The following LRMDA variants were observed in gnomAD, a reference collection of about 807,000 sequenced individuals.
The protein encoded by LRMDA is leucine rich melanocyte differentiation associated, also known as leucine-rich melanocyte differentiation-associated protein.
LRMDA carries 18 observed loss-of-function variants against 29.8 expected under a neutral mutation model. The ratio of observed to expected loss-of-function variants is 0.60; its 90% CI spans 0.42 to 0.90. The LOEUF (loss-of-function observed/expected upper bound fraction) is 0.90. Among genes scored for constraint, LRMDA ranks in the 40% least tolerant of loss-of-function variants. The pLI is 0.00. For synonymous variants in LRMDA, 125 were observed against 109.4 expected, an observed-to-expected ratio of 1.14 and a Z score of -0.89; for missense variants, 273 against 273.9, an observed-to-expected ratio of 1.00 and a Z score of 0.02.
At chr10:75,948,207 A>T (rs1589263219) in intron 2 of LRMDA, among the ~76,000 whole-genome samples, 1 of 152,260 alleles carries the variant, frequency 6.6e-6, no homozygotes, top group Middle Eastern at 3.4e-3. Flanking sequence ...TTAGAGTCTG[A>T]CACCAGCACT....
intron 2 of LRMDA, among the ~76,000 whole-genome samples, chr10:75,879,920 A>C (rs1432366045): frequency 6.6e-6 from 1 of 152,168 alleles, no homozygotes; most frequent in Non-Finnish European, 1.5e-5. Context: ...CTTGTTTGCC[A>C]TTCATGCTTA....
chr10:75,555,327 T>C (rs535538614), intron 2 of LRMDA, among the ~76,000 whole-genome samples: 2 of 152,310 alleles, frequency 1.3e-5, no homozygotes, highest in South Asian at 4.1e-4. Flanking sequence ...TGTGGGAAGA[T>C]AGATAACTTG....
Position 76,370,776 on chromosome 10 carries a change from G to A in LRMDA, c.601+46291G>A, listed in dbSNP as rs905123548. Among the ~76,000 whole-genome samples, 9 of 152,190 alleles carry A rather than the reference G, an allele frequency of 5.9e-5. No individual in the cohort carries two copies. In the South Asian group the frequency reaches 1.0e-3, roughly 18 times the overall value. ...GTATACATACTATATATAGTAAGTG[G>A]AGAGCACACCAAATGTATATCATTT... is the stretch of plus-strand genomic sequence containing the variant. On this transcript the variant is annotated intron_variant, in intron 6 of 6. Coordinates refer to ENST00000611255, the MANE Select transcript of LRMDA (RefSeq NM_001305581.2).
chr10:76,207,293 C>A (rs984898150), intron 5 of LRMDA, among the ~76,000 whole-genome samples: 1 of 152,120 alleles, frequency 6.6e-6, no homozygotes, highest in Non-Finnish European at 1.5e-5. Flanking sequence ...TCTATCTGGT[C>A]GATTCTGACT....
chr10:75,528,287 C>T (rs11594014), intron 2 of LRMDA, among the ~76,000 whole-genome samples: 22,268 of 152,166 alleles, frequency 0.15, 1,982 homozygotes, highest in Middle Eastern at 0.26. Context: ...ACTTTGCTTA[C>T]CACACTCTGG....
rs114783299 is a variant in LRMDA, at chr10:76,292,280, T to C, written c.517-32121T>C. On this transcript the variant is annotated intron_variant, in intron 5 of 6. Transcript: ENST00000611255. ...AGTAATCCACTGAAGGAATTCGAGG[T>C]GTATATCCACAGTTTGGCAGAAGGG... Among the ~76,000 whole-genome samples, 535 of 152,210 alleles carry C rather than the reference T, an allele frequency of 3.5e-3. 3 individuals are homozygous for C. The highest frequency in any genetic ancestry group is 0.012 in the African/African-American group (501 of 41,520).
chr10:75,897,650 ATAGT>A (rs1053001796), intron 2 of LRMDA, among the ~76,000 whole-genome samples: 1 of 152,198 alleles, frequency 6.6e-6, no homozygotes, highest in Non-Finnish European at 1.5e-5. Context: ...CAGTGGTTAC[ATAGT>A]TCACTTGAGG....
intron 2 of LRMDA, among the ~76,000 whole-genome samples, chr10:75,485,918 A>G (rs1008352065): frequency 6.6e-6 from 1 of 152,022 alleles, no homozygotes; most frequent in African/African-American, 2.4e-5. Flanking sequence ...TTTTATCTCT[A>G]CCAATTCTTT....
intron 2 of LRMDA, among the ~76,000 whole-genome samples, chr10:75,978,777 A>G (rs1005577977): frequency 6.6e-6 from 1 of 152,246 alleles, no homozygotes; most frequent in Admixed American, 6.5e-5. Context: ...GTATGCAACC[A>G]TATTATAATT....
At chr10:76,056,049 C>T (rs1036627992) in intron 4 of LRMDA, among the ~76,000 whole-genome samples, 1 of 152,192 alleles carries the variant, frequency 6.6e-6, no homozygotes, top group Non-Finnish European at 1.5e-5. Flanking sequence ...AGCATGCACA[C>T]AATTGGAGGG....
chr10:76,221,015 A>C (rs552695187), intron 5 of LRMDA, among the ~76,000 whole-genome samples: 75 of 152,358 alleles, frequency 4.9e-4, no homozygotes, highest in African/African-American at 1.7e-3. Flanking sequence ...AACCAAAGAC[A>C]AAAACCACAT....
chr10:75,614,751 C>A (rs573735450), intron 2 of LRMDA, among the ~76,000 whole-genome samples: 131 of 151,884 alleles, frequency 8.6e-4, no homozygotes, highest in African/African-American at 3.1e-3. Flanking sequence ...GTTTAATATA[C>A]AAGGAGGTTT....
chr10:76,209,436 T>G (rs558667044), intron 5 of LRMDA, among the ~76,000 whole-genome samples: 1 of 152,154 alleles, frequency 6.6e-6, no homozygotes, highest in Admixed American at 6.5e-5. Context: ...CTTCGTCTTC[T>G]GTTGGGGGTG....
intron 5 of LRMDA, among the ~76,000 whole-genome samples, chr10:76,118,498 G>T (rs1043126893): frequency 2.0e-5 from 3 of 152,170 alleles, no homozygotes; most frequent in Non-Finnish European, 4.4e-5. Flanking sequence ...TTACTTAAAG[G>T]CGAAGATGAG....
intron 2 of LRMDA, among the ~76,000 whole-genome samples, chr10:75,646,939 T>C (rs1218936261): frequency 6.6e-6 from 1 of 152,200 alleles, no homozygotes; most frequent in Non-Finnish European, 1.5e-5. Context: ...TGCCTGATAA[T>C]GGACACATTT....
At chr10:76,021,233 G>A (rs1847969675) in intron 2 of LRMDA, among the ~76,000 whole-genome samples, 1 of 152,186 alleles carries the variant, frequency 6.6e-6, no homozygotes, top group South Asian at 2.1e-4. Flanking sequence ...AGACAGAGAA[G>A]TCTCCAAGGA....
chr10:76,363,471 C>T (rs956654204), intron 6 of LRMDA, among the ~76,000 whole-genome samples: 7 of 152,022 alleles, frequency 4.6e-5, no homozygotes, highest in Admixed American at 2.6e-4. Flanking sequence ...TAGCAAGTTA[C>T]GGGATGCAAG....
intron 2 of LRMDA, among the ~76,000 whole-genome samples, chr10:75,727,658 G>A (rs1201834666): frequency 6.6e-6 from 1 of 152,180 alleles, no homozygotes; most frequent in Non-Finnish European, 1.5e-5. Context: ...ATTTTAGCAA[G>A]TTATTTTACA....
At position 76,177,909 on chromosome 10, in the gene LRMDA, T is replaced by C. The variant is rs369730120; in HGVS notation, c.516+119126T>C. On this transcript the variant is annotated intron_variant, in intron 5 of 6. Coordinates refer to ENST00000611255, the MANE Select transcript of LRMDA (RefSeq NM_001305581.2). ...GCTGGTCTGGTCTGTCCAGTGGTGT[T>C]AGAGCTGAATTGAAATCCTGCTTTA... 1.3e-4 allele frequency among the ~76,000 whole-genome samples: 20 copies of C among 152,340 alleles called. No individual in the cohort carries two copies. In the East Asian group the frequency reaches 2.1e-3, roughly 16 times the overall value.
Sources: gnomAD v4.1 joint callset for allele counts (sites outside exome capture counted in the v4.1 genomes callset) on GRCh38, gnomAD v4.1.1 for gene constraint, MANE v1.5 for transcripts, NCBI Gene and HGNC (gene_info 2026-07-23, HGNC 2026-07-21) for gene names.